Variants in FOCAD observed in about 807,000 individuals in gnomAD.
FOCAD encodes KIAA1797.
FOCAD carries 198 observed loss-of-function variants against 225.6 expected under a neutral mutation model. That is an observed-to-expected ratio of 0.88 (90% confidence interval 0.78 to 0.99). The LOEUF (loss-of-function observed/expected upper bound fraction) is 0.99. Ranked by LOEUF, FOCAD falls within the 50% of genes least tolerant of loss-of-function variation. The pLI, the probability that FOCAD is intolerant of heterozygous loss-of-function variation, is 0.00. For synonymous variants in FOCAD, 897 were observed against 755.0 expected (o/e 1.19, Z -3.08); for missense variants, 2,713 against 2,123.6 (o/e 1.28, Z -5.46).
At chr9:20,908,882 G>T (rs946257574) in intron 22 of FOCAD, among the ~76,000 whole-genome samples, 2 of 152,000 alleles carry the variant, frequency 1.3e-5, no homozygotes, top group Non-Finnish European at 2.9e-5. Context: ...TGCTAAGTGT[G>T]TGGGATACTG....
chr9:20,775,856 T>C (rs1818705166), intron 8 of FOCAD, among the ~76,000 whole-genome samples: 1 of 152,038 alleles, frequency 6.6e-6, no homozygotes, highest in South Asian at 2.1e-4. Context: ...TTTTGTATTT[T>C]ATTTCATTTT....
intron 4 of FOCAD, 67 bp from the exon 5 acceptor site, chr9:20,740,169 G>C: frequency 2.0e-6 from 2 of 1,018,856 alleles, no homozygotes; most frequent in Non-Finnish European, 3.0e-6. Flanking sequence ...AAAATGATAG[G>C]ATTAAGCACC....
intron 2 of FOCAD, among the ~76,000 whole-genome samples, chr9:20,671,431 A>G (rs1822060489): frequency 6.6e-6 from 1 of 152,202 alleles, no homozygotes; most frequent in Non-Finnish European, 1.5e-5. Context: ...GAATGGCTTC[A>G]GCCCAGAACA....
chr9:20,978,198 T>C, intron 36 of FOCAD, 141 bp from the exon 37 acceptor site: 2 of 544,344 alleles, frequency 3.7e-6, no homozygotes, highest in Non-Finnish European at 6.6e-6. Flanking sequence ...ACAAGTCTCT[T>C]GAAATATCTC....
At chr9:20,966,798 C>A (rs1177018324) in intron 35 of FOCAD, among the ~76,000 whole-genome samples, 2 of 151,982 alleles carry the variant, frequency 1.3e-5, no homozygotes, top group Non-Finnish European at 2.9e-5. Context: ...AGGATCTTGG[C>A]ACCCTTGTCA....
chr9:20,750,644 A>G (rs1049664423), intron 5 of FOCAD, among the ~76,000 whole-genome samples: 17 of 152,170 alleles, frequency 1.1e-4, no homozygotes, highest in African/African-American at 4.1e-4. Context: ...TATTAAGGAG[A>G]AAGCAGAATC....
chr9:20,926,178 G>C (rs925836646), intron 25 of FOCAD, 123 bp from the exon 26 acceptor site: 1 of 625,600 alleles, frequency 1.6e-6, no homozygotes, highest in Admixed American at 2.7e-5. Context: ...CCAAGCAGAT[G>C]AAGTTTACTT....
intron 35 of FOCAD, among the ~76,000 whole-genome samples, chr9:20,964,539 C>T (rs1564212485): frequency 6.6e-6 from 1 of 151,848 alleles, no homozygotes; most frequent in African/African-American, 2.4e-5. Flanking sequence ...TGTTGAGCAT[C>T]AACATTTTTT....
chr9:20,940,931 T>A (rs1699282866), intron 28 of FOCAD, among the ~76,000 whole-genome samples: 1 of 152,194 alleles, frequency 6.6e-6, no homozygotes, highest in African/African-American at 2.4e-5. Flanking sequence ...TTTATTTTTT[T>A]TCTGACATGC....
At chr9:20,846,240 T>A (rs1387316855) in intron 15 of FOCAD, among the ~76,000 whole-genome samples, 1 of 152,150 alleles carries the variant, frequency 6.6e-6, no homozygotes, top group African/African-American at 2.4e-5. Flanking sequence ...AAATGTGTAC[T>A]CTTTATTTCT....
Position 20,995,835 on chromosome 9 carries a change from GA to G in FOCAD, c.*209del. 1 of 341,140 alleles carries G rather than the reference GA, an allele frequency of 2.9e-6. No homozygotes were observed. The highest frequency in any genetic ancestry group is 2.1e-5 in the African/African-American group (1 of 47,104). 21.1% of individuals were successfully genotyped at this position (341,140 alleles called of 1,614,324 possible). ...TTTAGTACCCGGGCCAGTTGAGACT[GA>G]AACAGGAACTTGGATTTTCTTTATT... is the stretch of plus-strand genomic sequence containing the variant. On this transcript the variant is annotated 3_prime_UTR_variant, in exon 44 of 44. Transcript: ENST00000338382.
intron 20 of FOCAD, among the ~76,000 whole-genome samples, chr9:20,884,567 G>T (rs1377497080): frequency 1.3e-5 from 2 of 152,006 alleles, no homozygotes; most frequent in Non-Finnish European, 2.9e-5. Context: ...AAAGTGCTGG[G>T]ATTACAGGTG....
intron 34 of FOCAD, among the ~76,000 whole-genome samples, chr9:20,952,705 T>A (rs1468084884): frequency 1.3e-5 from 2 of 152,072 alleles, no homozygotes; most frequent in Admixed American, 6.6e-5. Context: ...TTTTTTTTTT[T>A]AAACCACTTC....
In FOCAD at chr9:20,990,108, C is replaced by A. The variant is rs750728056; in HGVS notation, c.5005-15C>A. 2.7e-5 allele frequency: 44 copies of A among 1,613,266 alleles called. No individual in the cohort carries two copies. Among genetic ancestry groups the A allele is most frequent in the Middle Eastern group, 3.3e-4 (2 of 6,066 alleles). ...TAAAAAATATGACCTAACGTCATTT[C>A]TATTTTCATCGTAGGCTTTGGACTT... On this transcript the variant is annotated splice_polypyrimidine_tract_variant and intron_variant, in intron 41 of 43. Transcript: ENST00000338382.
At chr9:20,752,078 G>C (rs1490994421) in intron 5 of FOCAD, among the ~76,000 whole-genome samples, 1 of 143,834 alleles carries the variant, frequency 7.0e-6, no homozygotes, top group Non-Finnish European at 1.5e-5. Context: ...AGATGAGTAG[G>C]TTGTGAAAAT....
intron 11 of FOCAD, among the ~76,000 whole-genome samples, chr9:20,798,145 A>C (rs929850842): frequency 6.6e-6 from 1 of 152,212 alleles, no homozygotes; most frequent in African/African-American, 2.4e-5. Flanking sequence ...ATGCTGGATT[A>C]CATTTATTGA....
intron 11 of FOCAD, 121 bp downstream of exon 11, chr9:20,789,729 T>C: frequency 7.8e-7 from 1 of 1,276,992 alleles, no homozygotes; most frequent in Non-Finnish European, 1.1e-6. Context: ...ATGATTTTTT[T>C]TTTTTTTGCT....
At chr9:20,947,270 AAATT>A (rs1331214280) in intron 30 of FOCAD, among the ~76,000 whole-genome samples, 1 of 152,246 alleles carries the variant, frequency 6.6e-6, no homozygotes, top group East Asian at 1.9e-4. Context: ...CCTATAAACT[AAATT>A]AAGTAACCTT....
At chr9:20,683,422 T>C (rs1822468191), upstream of FOCAD, 1 of 152,288 alleles carries the variant, frequency 6.6e-6, no homozygotes, top group East Asian at 1.9e-4. Context: ...CATTCTGTCA[T>C]CCACAACCGG....
Sources: allele counts gnomAD v4.1 joint callset (sites outside exome capture counted in the v4.1 genomes callset), GRCh38; gene constraint gnomAD v4.1.1; transcripts MANE v1.5; gene names NCBI Gene and HGNC (gene_info 2026-07-23, HGNC 2026-07-21).